Variants in REXO4 observed in about 807,000 individuals in gnomAD.
The protein encoded by REXO4 is RNA exonuclease 4.
In REXO4, 29 loss-of-function variants were observed where a neutral mutation model predicts 39.9. That is an observed-to-expected ratio of 0.73 (90% CI 0.54 to 0.99). REXO4 has a LOEUF of 0.99. REXO4 is among the 50% of genes least tolerant of loss of function. REXO4 has a pLI of 0.00. For missense variants in REXO4, 524 were observed against 546.5 expected (o/e 0.96, Z 0.41); for synonymous variants, 184 against 206.2 (o/e 0.89, Z 0.92).
Position 133,406,765 on chromosome 9 carries a change from G to GT in REXO4, c.*187dup. ...ATCCGGGCCCAAACACACATGGACAGTAAGACCAGGTTTCAGACCACAAAG... is the reference window on the plus strand; with the variant it reads ...ATCCGGGCCCAAACACACATGGACAGTTAAGACCAGGTTTCAGACCACAAAG... On this transcript the variant is annotated 3_prime_UTR_variant, in exon 8 of 8. Coordinates refer to ENST00000371942, the MANE Select transcript of REXO4 (RefSeq NM_020385.4). The GT allele has an allele frequency of 1.2e-6, 1 of 846,646 alleles. No individual in the cohort carries two copies. The highest frequency in any genetic ancestry group is 1.8e-6 in the Non-Finnish European group (1 of 554,470). 52.4% of individuals were successfully genotyped at this position (846,646 alleles called of 1,614,324 possible). A position where few individuals can be genotyped will look rare whatever the true frequency, so the allele number is the denominator to read the frequency against.
chr9:133,416,529 G>A (rs1418768613), intron 1 of REXO4, among the ~76,000 whole-genome samples: 1 of 152,142 alleles, frequency 6.6e-6, no homozygotes, highest in Admixed American at 6.5e-5. Context: ...GAGAATCACT[G>A]GAGCCCAGGC....
At chr9:133,409,744 T>G (rs1765088989) in intron 5 of REXO4, among the ~76,000 whole-genome samples, 1 of 152,222 alleles carries the variant, frequency 6.6e-6, no homozygotes, top group East Asian at 1.9e-4. Context: ...AAATTTTTTA[T>G]AGAGATGGGG....
intron 4 of REXO4, 148 bp from the exon 5 acceptor site, chr9:133,411,221 A>G (rs1839195656): frequency 1.5e-6 from 1 of 688,158 alleles, no homozygotes; most frequent in Non-Finnish European, 2.6e-6. Context: ...CGAAGCCACC[A>G]CATCCACCCA....
At chr9:133,416,949 T>C (rs1554781708) in intron 1 of REXO4, among the ~76,000 whole-genome samples, 1 of 152,236 alleles carries the variant, frequency 6.6e-6, no homozygotes. Flanking sequence ...GTCTGCTATC[T>C]GCTTTTCACT....
intron 2 of REXO4, chr9:133,414,309 A>G: frequency 4.2e-6 from 2 of 470,770 alleles, no homozygotes; most frequent in South Asian, 1.7e-5. Flanking sequence ...TGATGCCACC[A>G]TGACTACCAC....
chr9:133,417,698 T>C lies in REXO4; in HGVS notation c.147A>G (p.Pro49=). 1 of 1,614,188 alleles carries C rather than the reference T, an allele frequency of 6.2e-7. No homozygotes were observed. The highest frequency in any genetic ancestry group is 8.5e-7 in the Non-Finnish European group (1 of 1,180,000). Residue 49 remains proline (P), a synonymous_variant, in exon 1 of 8, where the codon CCA becomes CCG. Transcript: ENST00000371942. ...KSKAREVSKK[P]ASGPGAVVRP... The stretch of plus-strand genomic sequence containing the variant: ...GCACCACAGCACCGGGGCCGCTTGC[T>C]GGCTTCTTGCTTACTTCCCGCGCCT...
In REXO4 at chr9:133,412,289, G is replaced by A. The variant is rs782715873; in HGVS notation, c.910+10C>T. ...TTCCCTTCTAAGTTCCTGAGCTGTG[G>A]ATGACATACCCTGCTTGAGGTTCTC... On this transcript the variant is annotated intron_variant, in intron 4 of 7. Transcript: ENST00000371942. The A allele has an allele frequency of 6.2e-7, 1 of 1,612,400 alleles. No individual in the cohort carries two copies. The highest frequency in any genetic ancestry group is 2.2e-5 in the East Asian group (1 of 44,848).
chr9:133,412,738 A>G (rs782018924), intron 3 of REXO4, 40 bp downstream of exon 3: 18 of 1,601,062 alleles, frequency 1.1e-5, no homozygotes, highest in Non-Finnish European at 1.4e-5. Context: ...CTCCACGGCT[A>G]AGCATCCCCA....
intron 4 of REXO4, 75 bp downstream of exon 4, chr9:133,412,223 GA>G: frequency 6.8e-7 from 1 of 1,472,886 alleles, no homozygotes; most frequent in East Asian, 2.3e-5. Context: ...GTCTCAGACA[GA>G]AAAGGGAACA....
rs1213225220 is a variant in REXO4 at position 133,406,996 on chromosome 9, C to A, written c.1226G>T (p.Arg409Leu). Residue 409 changes from arginine to leucine, a missense_variant, in exon 8 of 8, where the codon CGC (arginine) becomes CTC (leucine). Transcript: ENST00000371942. ...GTGGTCTGGAGCAGTCAGCAGGGGGCGCCTGTCTCGGGCCATGCTCTCCCA... is the reference window on the plus strand; with the variant it reads ...GTGGTCTGGAGCAGTCAGCAGGGGGAGCCTGTCTCGGGCCATGCTCTCCCA... ...KEWESMARDR[R>L]PLLTAPDHCS... 1.9e-6 allele frequency: 3 copies of A among 1,612,784 alleles called. No individual in the cohort carries two copies. The highest frequency in any genetic ancestry group is 2.5e-6 in the Non-Finnish European group (3 of 1,180,034).
rs2130734951 is a variant in REXO4 at position 133,414,838 on chromosome 9, A to G, written c.399T>C (p.Pro133=). The G allele has an allele frequency of 6.2e-7, 1 of 1,614,156 alleles. No homozygotes were observed. The highest frequency in any genetic ancestry group is 2.2e-5 in the East Asian group (1 of 44,882). Residue 133 remains proline, a synonymous_variant, in exon 2 of 8, where the codon CCT becomes CCC. Coordinates refer to ENST00000371942, the MANE Select transcript of REXO4 (RefSeq NM_020385.4). ...KDQEASRGSV[P]SGSKMDRRAP... is the part of the protein sequence containing the mutation. ...CCCTCCTGTCCATCTTGGAACCTGA[A>G]GGAACAGAGCCCCTGCTGGCCTCCT...
chr9:133,407,667 T>C (rs1233127086), intron 7 of REXO4, 140 bp downstream of exon 7: 2 of 593,230 alleles, frequency 3.4e-6, no homozygotes, highest in Non-Finnish European at 5.9e-6. Context: ...TCTACCATTT[T>C]TTTTTTTTGA....
chr9:133,408,837 T>C lies in REXO4; in HGVS notation c.1005A>G (p.Leu335=), dbSNP rs2130708380. 2 of 1,576,956 alleles carry C rather than the reference T, an allele frequency of 1.3e-6. No homozygotes were observed. The highest frequency in any genetic ancestry group is 1.1e-5 in the South Asian group (1 of 89,666). ...GHALHNDLKV[L]FLDHPKKKIR... is the part of the protein sequence containing the mutation. The stretch of plus-strand genomic sequence containing the variant: ...TCTTCTTTTTTGGATGATCAAGAAA[T>C]AGTACCTAGAAAAATAAAATATAAT... Residue 335 remains leucine, a synonymous_variant, in exon 6 of 8, where the codon CTA becomes CTG. Transcript: ENST00000371942.
chr9:133,417,297 G>T (rs1202724789), intron 1 of REXO4, among the ~76,000 whole-genome samples: 1 of 152,250 alleles, frequency 6.6e-6, no homozygotes, highest in Non-Finnish European at 1.5e-5. Context: ...GATCACAGGC[G>T]TGAGGCCCCG....
At chr9:133,417,559 T>TC (rs1839731303) in intron 1 of REXO4, 61 bp downstream of exon 1, 2 of 1,553,908 alleles carry the variant, frequency 1.3e-6, no homozygotes, top group Admixed American at 3.4e-5. Context: ...AGTCTTTCCC[T>TC]CCGTCGCGTT....
Position 133,417,671 on chromosome 9 carries a change from T to C in REXO4, c.174A>G (p.Arg58=), listed in dbSNP as rs1554781954. 1 of 1,614,010 alleles carries C rather than the reference T, an allele frequency of 6.2e-7. No homozygotes were observed. ...AAAAGTCTTCTGGTGCCTTTGGAGG[T>C]CGCACCACAGCACCGGGGCCGCTTG... ...KPASGPGAVV[R]PPKAPEDFSQ... The change falls in exon 1 of 8, where the codon CGA becomes CGG. Residue 58 remains arginine, a synonymous_variant. Coordinates refer to ENST00000371942, the MANE Select transcript of REXO4 (RefSeq NM_020385.4).
rs782280692 is a variant in REXO4 at position 133,412,782 on chromosome 9, C to T, written c.712G>A (p.Gly238Ser). 2.6e-5 allele frequency: 42 copies of T among 1,611,758 alleles called. 1 individual carries two copies. Among genetic ancestry groups the T allele is most frequent in the East Asian group, 1.6e-4 (7 of 44,900 alleles). Residue 238 changes from glycine to serine, a missense_variant, in exon 3 of 8, where the codon GGC becomes AGC. Gly to Ser is a moderately conservative substitution (Grantham distance 56). Coordinates refer to ENST00000371942, the MANE Select transcript of REXO4 (RefSeq NM_020385.4). The stretch of plus-strand genomic sequence containing the variant: ...CACTCCCTGAGACCAGCGTACCCGC[C>T]GAAGGCCTGCTCTTTCACGAGGCTG... ...SLSLVKEQAF[G>S]GLTRALALDC...
intron 2 of REXO4, 164 bp downstream of exon 2, chr9:133,414,501 C>G (rs782523646): frequency 1.3e-6 from 1 of 741,148 alleles, no homozygotes; most frequent in South Asian, 1.5e-5. Context: ...TTATCATGCG[C>G]ACACTCTAGG....
At chr9:133,416,868 G>A (rs1292920319) in intron 1 of REXO4, among the ~76,000 whole-genome samples, 1 of 152,242 alleles carries the variant, frequency 6.6e-6, no homozygotes, top group Non-Finnish European at 1.5e-5. Flanking sequence ...GCACATGGCA[G>A]AGTGCACATT....
Sources: gnomAD v4.1 joint callset for allele counts (sites outside exome capture counted in the v4.1 genomes callset) on GRCh38, gnomAD v4.1.1 for gene constraint, MANE v1.5 for transcripts, NCBI Gene and HGNC (gene_info 2026-07-23, HGNC 2026-07-21) for gene names.